Variants in DLG2 observed in about 807,000 individuals in gnomAD.
DLG2 encodes disks large homolog 2.
In DLG2, 45 loss-of-function variants were observed where a neutral mutation model predicts 132.5. The observed-to-expected ratio is 0.34, with a 90% CI of 0.27 to 0.44. The LOEUF (loss-of-function observed/expected upper bound fraction) is 0.44. Ranked by LOEUF, DLG2 falls within the 20% of genes least tolerant of loss-of-function variation. The pLI is 1.00. For synonymous variants in DLG2, 424 were observed against 419.6 expected, an observed-to-expected ratio of 1.01 and a Z score of -0.13; for missense variants, 1,045 against 1,196.9, an observed-to-expected ratio of 0.87 and a Z score of 1.87.
chr11:84,888,022 C>A (rs529362437), intron 6 of DLG2, among the ~76,000 whole-genome samples: 1 of 152,214 alleles, frequency 6.6e-6, no homozygotes, highest in East Asian at 1.9e-4. Flanking sequence ...TAAACAACAA[C>A]AACAACAATA....
intron 3 of DLG2, among the ~76,000 whole-genome samples, chr11:85,359,667 G>C (rs1227861666): frequency 6.6e-6 from 1 of 152,120 alleles, no homozygotes; most frequent in African/African-American, 2.4e-5. Flanking sequence ...TAATTAGAGA[G>C]CTGACAGTTC....
intron 6 of DLG2, among the ~76,000 whole-genome samples, chr11:85,001,409 G>C (rs1007928565): frequency 1.3e-5 from 2 of 152,154 alleles, no homozygotes; most frequent in Non-Finnish European, 2.9e-5. Context: ...GAAATGTTGA[G>C]ACATGATGAG....
chr11:84,812,251 C>T (rs1200221590), intron 6 of DLG2, among the ~76,000 whole-genome samples: 1 of 152,116 alleles, frequency 6.6e-6, no homozygotes, highest in Non-Finnish European at 1.5e-5. Context: ...AGACTTTGAA[C>T]TCCAGATAAA....
intron 6 of DLG2, among the ~76,000 whole-genome samples, chr11:85,087,062 T>G (rs1422480677): frequency 6.6e-6 from 1 of 152,220 alleles, no homozygotes; most frequent in African/African-American, 2.4e-5. Context: ...CTCATTGTGA[T>G]TCATTTTTGG....
At chr11:83,761,773 C>T (rs976893728) in intron 18 of DLG2, among the ~76,000 whole-genome samples, 3 of 152,160 alleles carry the variant, frequency 2.0e-5, no homozygotes, top group East Asian at 1.9e-4. Flanking sequence ...ACATGGAGGC[C>T]GGGAGCTGTA....
At chr11:85,605,006 A>G (rs1395211970) in intron 2 of DLG2, among the ~76,000 whole-genome samples, 1 of 152,248 alleles carries the variant, frequency 6.6e-6, no homozygotes, top group Non-Finnish European at 1.5e-5. Context: ...TATCATTAGG[A>G]AAACTCAGAT....
chr11:84,005,453 C>T (rs1383648557), intron 11 of DLG2, among the ~76,000 whole-genome samples: 1 of 151,828 alleles, frequency 6.6e-6, no homozygotes. Context: ...GATTTTATGG[C>T]TAAGACCTTA....
At chr11:84,986,973 T>C (rs1418463042) in intron 6 of DLG2, among the ~76,000 whole-genome samples, 1 of 152,192 alleles carries the variant, frequency 6.6e-6, no homozygotes, top group East Asian at 1.9e-4. Context: ...AGTCAAACTG[T>C]TGCTGTTTGC....
intron 6 of DLG2, among the ~76,000 whole-genome samples, chr11:84,961,770 A>C (rs2154109270): frequency 6.6e-6 from 1 of 152,318 alleles, no homozygotes; most frequent in Admixed American, 6.5e-5. Context: ...GCAGTTTTTC[A>C]AGCACTACGC....
intron 3 of DLG2, among the ~76,000 whole-genome samples, chr11:85,413,512 T>C (rs199931819): frequency 1.3e-5 from 2 of 152,078 alleles, no homozygotes; most frequent in East Asian, 3.8e-4. Flanking sequence ...TTTGATGTTA[T>C]ATTCTAGAAT....
At chr11:84,115,155 T>C (rs1189323557) in intron 9 of DLG2, among the ~76,000 whole-genome samples, 1 of 152,220 alleles carries the variant, frequency 6.6e-6, no homozygotes, top group African/African-American at 2.4e-5. Flanking sequence ...AAAGATGTCA[T>C]GTGTAAATGT....
At chr11:84,452,361 AT>A (rs1189852021) in intron 7 of DLG2, among the ~76,000 whole-genome samples, 1 of 151,730 alleles carries the variant, frequency 6.6e-6, no homozygotes. Flanking sequence ...ACTGTGGGCA[AT>A]CTGGCTTTTG....
In DLG2 at chr11:85,021,175, C is replaced by A. The variant is rs113133805; in HGVS notation, c.357+90486G>T. On this transcript the variant is annotated intron_variant, in intron 6 of 27. Coordinates refer to ENST00000376104, the MANE Select transcript of DLG2 (RefSeq NM_001142699.3). ...CCGCTGCCCATTCTTAGAATTGAAG[C>A]CAGCTTTTTCCCTTCGTGAGTTGTT... 28 of 956,050 alleles carry A rather than the reference C, an allele frequency of 2.9e-5. No homozygotes were observed. The African/African-American group carries it at 4.0e-4, about 14-fold the overall frequency. 59.2% of individuals were successfully genotyped at this position (956,050 alleles called of 1,614,324 possible).
chr11:84,895,130 T>A (rs12276815), intron 6 of DLG2, among the ~76,000 whole-genome samples: 1 of 152,164 alleles, frequency 6.6e-6, no homozygotes, highest in Non-Finnish European at 1.5e-5. Context: ...TTACTCAACT[T>A]ATTTACATGA....
rs369037908 is a variant in DLG2, at chr11:84,853,062, C to T, written c.357+258599G>A. On this transcript the variant is annotated intron_variant, in intron 6 of 27. Transcript: ENST00000376104. Reference sequence around the variant, plus strand: ...TTTCCTCAGTAATTATCATGAGAATCCAGTAAAGAAGGAAGTATTAACTTC... The same window carrying T: ...TTTCCTCAGTAATTATCATGAGAATTCAGTAAAGAAGGAAGTATTAACTTC... 2.0e-4 allele frequency among the ~76,000 whole-genome samples: 30 copies of T among 151,914 alleles called. No homozygotes were observed. The East Asian group carries it at 5.6e-3, about 28-fold the overall frequency.
chr11:85,413,841 C>G (rs918539422), intron 3 of DLG2, among the ~76,000 whole-genome samples: 1 of 151,976 alleles, frequency 6.6e-6, no homozygotes, highest in Non-Finnish European at 1.5e-5. Flanking sequence ...TGTGATGCTT[C>G]CAGGTTTGTT....
intron 3 of DLG2, among the ~76,000 whole-genome samples, chr11:85,492,025 T>C (rs1230334893): frequency 6.6e-6 from 1 of 151,960 alleles, no homozygotes; most frequent in African/African-American, 2.4e-5. Context: ...AACAGCAAGA[T>C]ACTCTCATAA....
intron 8 of DLG2, among the ~76,000 whole-genome samples, chr11:84,228,067 A>G (rs530037181): frequency 9.7e-4 from 147 of 152,170 alleles, no homozygotes; most frequent in Non-Finnish European, 1.6e-3. Context: ...AAACTATTTC[A>G]TGATTGGTTT....
intron 15 of DLG2, among the ~76,000 whole-genome samples, chr11:83,879,313 TAA>T (rs1377995537): frequency 6.6e-6 from 1 of 152,172 alleles, no homozygotes; most frequent in Non-Finnish European, 1.5e-5. Context: ...CTGATAACAA[TAA>T]AGTTACTTAA....
Sources: gnomAD v4.1 joint callset for allele counts (sites outside exome capture counted in the v4.1 genomes callset) on GRCh38, gnomAD v4.1.1 for gene constraint, MANE v1.5 for transcripts, NCBI Gene and HGNC (gene_info 2026-07-23, HGNC 2026-07-21) for gene names.